The following PNPLA7 variants were observed in gnomAD, a reference collection of about 807,000 sequenced individuals.
PNPLA7 encodes the protein patatin-like phospholipase domain-containing protein 7.
A neutral mutation model predicts 161.7 loss-of-function variants in PNPLA7; 153 were observed. The observed-to-expected ratio is 0.95, with a 90% CI of 0.83 to 1.08. The LOEUF (loss-of-function observed/expected upper bound fraction) is 1.08. PNPLA7 is among the 50% of genes least tolerant of loss of function. The pLI, the probability that PNPLA7 is intolerant of heterozygous loss-of-function variation, is 0.00. For synonymous variants in PNPLA7, 809 were observed against 782.1 expected, an observed-to-expected ratio of 1.03 and a Z score of -0.57; for missense variants, 1,739 against 1,856.6, an observed-to-expected ratio of 0.94 and a Z score of 1.16.
rs778060618 is a variant in PNPLA7 at position 137,497,217 on chromosome 9, C to T, written c.1983G>A (p.Gly661=). 3.2e-5 allele frequency: 50 copies of T among 1,587,112 alleles called. No homozygotes were observed. Among genetic ancestry groups the T allele is most frequent in the Non-Finnish European group, 4.1e-5 (48 of 1,168,186 alleles). ...RKDDGKKRLA[G]EYGRGDLVGV... ...CGACGAGGTCTCCTCGGCCGTACTC[C>T]CCGGCCAGGCGCTTCTTCCCATCAT... The change falls in exon 18 of 35, where the codon GGG becomes GGA. Residue 661 remains glycine (G), a synonymous_variant. Coordinates refer to ENST00000406427, the MANE Select transcript of PNPLA7 (RefSeq NM_001098537.3).
chr9:137,493,231 C>G (rs916948437), intron 19 of PNPLA7, 149 bp from the exon 20 acceptor site: 2 of 806,326 alleles, frequency 2.5e-6, no homozygotes, highest in Non-Finnish European at 4.1e-6. Flanking sequence ...GCACATGACT[C>G]ACAAGCCACG....
Position 137,540,788 on chromosome 9 carries a change from C to A in PNPLA7, c.667-66G>T. On this transcript the variant is annotated intron_variant, in intron 7 of 34. Coordinates refer to ENST00000406427, the MANE Select transcript of PNPLA7 (RefSeq NM_001098537.3). This position sits in a 1 kb window ranked among gnomAD's most constrained non-coding sequence, Gnocchi z 5.1. ...CTGCGACCGCGGGGCCTGGCGGAGG[C>A]TCAGCCCAGCCCAGGGCAGTGGGGC... The A allele has an allele frequency of 2.7e-6, 4 of 1,464,600 alleles. No individual in the cohort carries two copies. Among genetic ancestry groups the A allele is most frequent in the Non-Finnish European group, 3.7e-6 (4 of 1,072,104 alleles). 90.7% of individuals were successfully genotyped at this position (1,464,600 alleles called of 1,614,324 possible). A position where few individuals can be genotyped will look rare whatever the true frequency, so the allele number is the denominator to read the frequency against.
At chr9:137,529,580 T>G (rs1341599861) in intron 8 of PNPLA7, among the ~76,000 whole-genome samples, 1 of 152,172 alleles carries the variant, frequency 6.6e-6, no homozygotes, top group Non-Finnish European at 1.5e-5. Flanking sequence ...AAAGCCTTGG[T>G]TCTGATGCTT....
chr9:137,540,835 C>T lies in PNPLA7; in HGVS notation c.667-113G>A, dbSNP rs762816479. ...GGGCCACGGGCCTGCACCTCTGAGG[C>T]GCCATGAGAGCAGCAGGCACCTTGG... On this transcript the variant is annotated intron_variant, in intron 7 of 34. Transcript: ENST00000406427. This position sits in a 1 kb window ranked among gnomAD's most constrained non-coding sequence, Gnocchi z 5.1. The T allele has an allele frequency of 1.9e-5, 17 of 899,646 alleles. No individual in the cohort carries two copies. In the East Asian group the frequency reaches 2.2e-4, roughly 11 times the overall value. The allele number at this position is 899,646 out of a possible 1,614,324, so 55.7% of individuals were successfully genotyped here.
rs1833339854 is a variant in PNPLA7 at position 137,500,607 on chromosome 9, C to T, written c.1757+84G>A. On this transcript the variant is annotated intron_variant, in intron 16 of 34. Transcript: ENST00000406427. This position sits in a 1 kb window ranked among gnomAD's most constrained non-coding sequence, Gnocchi z 5.5. ...GAAGCAGGGAAGAGGGTGAGAGCACCAGGAAGAGGCCGGCCACGCGGGGAG... is the reference window on the plus strand; with the variant it reads ...GAAGCAGGGAAGAGGGTGAGAGCACTAGGAAGAGGCCGGCCACGCGGGGAG... 11 of 1,301,728 alleles carry T rather than the reference C, an allele frequency of 8.5e-6. No homozygotes were observed. The highest frequency in any genetic ancestry group is 1.1e-5 in the Non-Finnish European group (10 of 928,320). The allele number at this position is 1,301,728 out of a possible 1,614,324, so 80.6% of individuals were successfully genotyped here. A position where few individuals can be genotyped will look rare whatever the true frequency, so the allele number is the denominator to read the frequency against.
At chr9:137,513,732 T>C (rs1199559141) in intron 12 of PNPLA7, among the ~76,000 whole-genome samples, 1 of 151,502 alleles carries the variant, frequency 6.6e-6, no homozygotes, top group Non-Finnish European at 1.5e-5. Context: ...GAAAAGAATC[T>C]CCAAAAAAAA....
At position 137,522,726 on chromosome 9, in the gene PNPLA7, C is replaced by T. The variant is rs202196605; in HGVS notation, c.876+3G>A. On this transcript the variant is annotated splice_donor_region_variant and intron_variant, in intron 9 of 34. Coordinates refer to ENST00000406427, the MANE Select transcript of PNPLA7 (RefSeq NM_001098537.3). Reference sequence around the variant, plus strand: ...AGAAGAGTTGTCTGAAAAAGTGACTCACCTGCACCACCCTCACCAGAGTTT... The same window carrying T: ...AGAAGAGTTGTCTGAAAAAGTGACTTACCTGCACCACCCTCACCAGAGTTT... 4 of 1,613,398 alleles carry T rather than the reference C, an allele frequency of 2.5e-6. No homozygotes were observed. The highest frequency in any genetic ancestry group is 3.4e-6 in the Non-Finnish European group (4 of 1,179,782).
rs1833428378 is a variant in PNPLA7 at position 137,501,659 on chromosome 9, C to T, written c.1542G>A (p.Gln514=). The T allele has an allele frequency of 6.2e-7, 1 of 1,612,314 alleles. No homozygotes were observed. Among genetic ancestry groups the T allele is most frequent in the Admixed American group, 1.7e-5 (1 of 59,962 alleles). Residue 514 remains glutamine, a synonymous_variant, in exon 15 of 35, where the codon CAG becomes CAA. Transcript: ENST00000406427. ...CCAGACCCCCGCTCACCTGGTCTCC[C>T]TGCCTTGACACCACCGTGCCTGCAG... is the stretch of plus-strand genomic sequence containing the variant. ...HVPAGTVVSR[Q]GDQDASILFV... is the part of the protein sequence containing the mutation.
At chr9:137,473,076 C>T (rs1831786336) in intron 25 of PNPLA7, among the ~76,000 whole-genome samples, 1 of 152,170 alleles carries the variant, frequency 6.6e-6, no homozygotes, top group South Asian at 2.1e-4. Flanking sequence ...GGCAAGGGCA[C>T]ATGTGCAGGG....
chr9:137,528,082 T>C (rs1251357933), intron 8 of PNPLA7, among the ~76,000 whole-genome samples: 2 of 152,376 alleles, frequency 1.3e-5, no homozygotes, highest in African/African-American at 4.8e-5. Flanking sequence ...GTAGGGTCTG[T>C]AGACATGTGC....
In PNPLA7 at chr9:137,543,314, C is replaced by G; in HGVS notation, c.506+118G>C. ...CGGGGCACAGACACCAGCAGCCCCA[C>G]GATGCGCTTTGCCAACCATTCCCCC... On this transcript the variant is annotated intron_variant, in intron 6 of 34. Transcript: ENST00000406427. The surrounding 1 kb of genome is among the most constrained non-coding windows in gnomAD (Gnocchi z 6.9). 1 of 1,320,008 alleles carries G rather than the reference C, an allele frequency of 7.6e-7. No individual in the cohort carries two copies. The highest frequency in any genetic ancestry group is 2.3e-5 in the East Asian group (1 of 43,354). The allele number at this position is 1,320,008 out of a possible 1,614,324, so 81.8% of individuals were successfully genotyped here.
chr9:137,489,680 A>G (rs530738764), intron 20 of PNPLA7, among the ~76,000 whole-genome samples: 10 of 152,314 alleles, frequency 6.6e-5, no homozygotes, highest in African/African-American at 2.2e-4. Flanking sequence ...CAGGAGGCAC[A>G]CAGAAGAACC....
In PNPLA7 at chr9:137,500,449, G is replaced by A. The variant is rs1588612782; in HGVS notation, c.1757+242C>T. On this transcript the variant is annotated intron_variant, in intron 16 of 34. Transcript: ENST00000406427. The surrounding 1 kb of genome is among the most constrained non-coding windows in gnomAD (Gnocchi z 5.5). ...CACAGACCAGTGATAAATGGACACA[G>A]CTGGGACCAGACCACAGAGACGGCC... 6.6e-6 allele frequency among the ~76,000 whole-genome samples: 1 copy of A among 152,358 alleles called. No individual in the cohort carries two copies. The highest frequency in any genetic ancestry group is 1.9e-4 in the East Asian group (1 of 5,176).
intron 14 of PNPLA7, among the ~76,000 whole-genome samples, chr9:137,505,168 A>C (rs969377756): frequency 8.1e-5 from 10 of 124,206 alleles, no homozygotes; most frequent in Non-Finnish European, 1.3e-4. Context: ...AGCCTGGGCG[A>C]TACTGCGAGA....
chr9:137,522,155 A>G (rs914447992), intron 9 of PNPLA7, among the ~76,000 whole-genome samples: 6 of 152,206 alleles, frequency 3.9e-5, no homozygotes, highest in African/African-American at 1.4e-4. Flanking sequence ...GCTCACTGCA[A>G]GCTCCGCCTC....
chr9:137,547,795 C>T lies in PNPLA7; in HGVS notation c.31-136G>A. 2.4e-6 allele frequency: 2 copies of T among 836,258 alleles called. No individual in the cohort carries two copies. Among genetic ancestry groups the T allele is most frequent in the Admixed American group, 2.2e-5 (1 of 45,662 alleles). The allele number at this position is 836,258 out of a possible 1,614,324, so 51.8% of individuals were successfully genotyped here. A position where few individuals can be genotyped will look rare whatever the true frequency, so the allele number is the denominator to read the frequency against. ...AGACTTCTGGGAAGAAGTGATCTCGCCCGGGGTGCCGGGGTCCTCTGAGCC... is the reference window on the plus strand; with the variant it reads ...AGACTTCTGGGAAGAAGTGATCTCGTCCGGGGTGCCGGGGTCCTCTGAGCC... On this transcript the variant is annotated intron_variant, in intron 1 of 34. Transcript: ENST00000406427. This position sits in a 1 kb window ranked among gnomAD's most constrained non-coding sequence, Gnocchi z 4.6.
At chr9:137,507,095 G>A (rs938611974) in intron 12 of PNPLA7, among the ~76,000 whole-genome samples, 6 of 152,382 alleles carry the variant, frequency 3.9e-5, no homozygotes, top group Admixed American at 2.6e-4. Context: ...GGAAAGGGGC[G>A]CATGTCTCCG....
intron 11 of PNPLA7, among the ~76,000 whole-genome samples, chr9:137,519,068 C>T (rs1834845102): frequency 1.3e-5 from 2 of 151,708 alleles, no homozygotes; most frequent in Non-Finnish European, 2.9e-5. Flanking sequence ...TCACTCATTC[C>T]ACTCTGTCCA....
chr9:137,487,110 C>T (rs1024013471), intron 20 of PNPLA7, among the ~76,000 whole-genome samples: 3 of 152,264 alleles, frequency 2.0e-5, no homozygotes, highest in Non-Finnish European at 2.9e-5. Context: ...TCCGACAGGG[C>T]CCAGTGCTTG....
Sources: gnomAD v4.1 joint callset for allele counts (sites outside exome capture counted in the v4.1 genomes callset) on GRCh38, gnomAD v4.1.1 for gene constraint, Gnocchi (gnomAD v3.1) non-coding constraint, MANE v1.5 for transcripts, NCBI Gene and HGNC (gene_info 2026-07-23, HGNC 2026-07-21) for gene names.